CEP63: variants seen among roughly 807,000 people sequenced by gnomAD.
CEP63 encodes centrosomal protein 63, also known as centrosomal protein of 63 kDa.
Under a neutral mutation model 89.1 loss-of-function variants are expected in CEP63, and 84 were observed. That is an observed-to-expected ratio of 0.94 (90% CI 0.79 to 1.13). CEP63 has a LOEUF of 1.13. Among genes scored for constraint, CEP63 ranks in the 50% most tolerant of loss-of-function variants. The pLI, the probability that CEP63 is intolerant of heterozygous loss-of-function variation, is 0.00. For synonymous variants in CEP63, 267 were observed against 272.5 expected (o/e 0.98, Z 0.20); for missense variants, 838 against 813.3 (o/e 1.03, Z -0.37).
the CEP63 span, among the ~76,000 whole-genome samples, chr3:134,752,051 G>A: frequency 6.6e-6 from 1 of 152,172 alleles, no homozygotes; most frequent in Non-Finnish European, 1.5e-5. Flanking sequence ...TGCCCAGCAT[G>A]TGTTGAGGGT....
intron 12 of CEP63, chr3:134,552,896 A>G (rs1955231884): frequency 1.3e-5 from 2 of 152,112 alleles, no homozygotes; most frequent in South Asian, 4.1e-4. Context: ...TCTAGCCTTT[A>G]AGAGACTAGA....
intron 3 of CEP63, among the ~76,000 whole-genome samples, chr3:134,529,580 A>G (rs1577089949): frequency 6.6e-6 from 1 of 152,112 alleles, no homozygotes; most frequent in African/African-American, 2.4e-5. Flanking sequence ...AACTCAAGTG[A>G]TCCGCCTGCC....
the CEP63 span, among the ~76,000 whole-genome samples, chr3:134,778,092 C>T: frequency 8.5e-6 from 1 of 118,240 alleles, no homozygotes; most frequent in African/African-American, 3.1e-5. Flanking sequence ...AATAGTTCCA[C>T]GTCACTTTTT....
chr3:134,608,173 C>A, the CEP63 span: 16 of 1,168,442 alleles, frequency 1.4e-5, no homozygotes, highest in East Asian at 8.4e-4. Flanking sequence ...TGTATTCTCT[C>A]CAGCAGGAGT....
chr3:134,500,180 A>T (rs1941537096), intron 2 of CEP63, among the ~76,000 whole-genome samples: 1 of 152,158 alleles, frequency 6.6e-6, no homozygotes, highest in Non-Finnish European at 1.5e-5. Flanking sequence ...CCACTTGCAA[A>T]TGAAAACATG....
downstream of CEP63, among the ~76,000 whole-genome samples, chr3:134,578,538 C>G (rs1958271843): frequency 6.6e-6 from 1 of 152,036 alleles, no homozygotes; most frequent in Non-Finnish European, 1.5e-5. Context: ...CCATGTTGAC[C>G]AGGTTGGTCT....
intron 3 of CEP63, among the ~76,000 whole-genome samples, chr3:134,524,137 T>G (rs1157702170): frequency 6.6e-6 from 1 of 152,172 alleles, no homozygotes; most frequent in Non-Finnish European, 1.5e-5. Context: ...TATTTTATTC[T>G]TTTTGTGACA....
intron 12 of CEP63, chr3:134,553,195 A>G (rs1321363139): frequency 6.6e-6 from 1 of 152,106 alleles, no homozygotes; most frequent in South Asian, 2.1e-4. Context: ...TAATTTCACA[A>G]TCCAGGATTG....
chr3:134,547,629 T>TTTTTTTTTTTTTTTTTTTTTTTGAAGGG, intron 9 of CEP63, among the ~76,000 whole-genome samples, 157 bp downstream of exon 9: 1 of 127,172 alleles, frequency 7.9e-6, no homozygotes, highest in South Asian at 2.6e-4. Flanking sequence ...TTTTTTTTTT[T>TTTTTTTTTTTTTTTTTTTTTTTGAAGGG]GAGACGGAGT....
chr3:134,577,431 C>CTTTTTTTTT (rs10662705), downstream of CEP63, among the ~76,000 whole-genome samples: 46 of 86,320 alleles, frequency 5.3e-4, 3 homozygotes, highest in East Asian at 7.7e-4. Context: ...TTCTAATCCA[C>CTTTTTTTTT]TTTTTTTTTT....
chr3:134,655,709 G>C, the CEP63 span, among the ~76,000 whole-genome samples: 3 of 152,162 alleles, frequency 2.0e-5, no homozygotes, highest in Non-Finnish European at 2.9e-5. Context: ...CCGAGCCAAG[G>C]AAAAGATCAG....
intron 2 of CEP63, among the ~76,000 whole-genome samples, chr3:134,503,893 T>G (rs1942776326): frequency 6.6e-6 from 1 of 152,144 alleles, no homozygotes; most frequent in Non-Finnish European, 1.5e-5. Context: ...TGAAGTGAGC[T>G]TCTTTTAGGT....
chr3:134,773,739 G>T, the CEP63 span, among the ~76,000 whole-genome samples: 1 of 150,546 alleles, frequency 6.6e-6, no homozygotes, highest in Non-Finnish European at 1.5e-5. Flanking sequence ...ATTAAATGTT[G>T]CCTCCTCAGT....
At chr3:134,754,206 G>A in the CEP63 span, among the ~76,000 whole-genome samples, 17 of 152,334 alleles carry the variant, frequency 1.1e-4, no homozygotes, top group East Asian at 3.9e-4. Flanking sequence ...ACCAGCAGGC[G>A]AAGTGGTGCC....
the CEP63 span, among the ~76,000 whole-genome samples, chr3:134,712,596 C>T: frequency 1.3e-5 from 2 of 152,058 alleles, no homozygotes; most frequent in Non-Finnish European, 2.9e-5. Context: ...TTTTCTCTCC[C>T]TGGATTCTCT....
At chr3:134,706,034 G>A in the CEP63 span, among the ~76,000 whole-genome samples, 952 of 152,260 alleles carry the variant, frequency 6.3e-3, 7 homozygotes, top group African/African-American at 0.022. Context: ...AGGTTTGGTG[G>A]TGGTGGAGGG....
chr3:134,579,376 G>A (rs1958292335), downstream of CEP63, among the ~76,000 whole-genome samples: 1 of 152,160 alleles, frequency 6.6e-6, no homozygotes, highest in South Asian at 2.1e-4. Flanking sequence ...TTTCCAAAGT[G>A]GCTAAGCTAT....
intron 11 of CEP63, among the ~76,000 whole-genome samples, chr3:134,572,067 C>T (rs1958031260): frequency 6.6e-6 from 1 of 152,150 alleles, no homozygotes; most frequent in Non-Finnish European, 1.5e-5. Flanking sequence ...GTTCATGGAA[C>T]CCTAAATTGT....
the CEP63 span, among the ~76,000 whole-genome samples, chr3:134,726,915 TC>T: frequency 1.3e-5 from 2 of 152,132 alleles, no homozygotes; most frequent in African/African-American, 4.8e-5. Flanking sequence ...TGCAGTTATG[TC>T]TTTGCAAGCA....
Sources: allele counts gnomAD v4.1 joint callset (sites outside exome capture counted in the v4.1 genomes callset), GRCh38; gene constraint gnomAD v4.1.1; transcripts MANE v1.5; gene names NCBI Gene and HGNC (gene_info 2026-07-23, HGNC 2026-07-21).